TENM2: variants seen among roughly 807,000 people sequenced by gnomAD.
The protein encoded by TENM2 is teneurin-2.
A neutral mutation model predicts 245.2 loss-of-function variants in TENM2; 52 were observed. The ratio of observed to expected loss-of-function variants is 0.21; its 90% CI spans 0.17 to 0.27. TENM2 has a LOEUF of 0.27. Among genes scored for constraint, TENM2 ranks in the 10% least tolerant of loss-of-function variants. TENM2 has a pLI of 1.00. For missense variants in TENM2, 3,046 were observed against 3,666.8 expected (o/e 0.83, Z 4.37); for synonymous variants, 1,363 against 1,438.9 (o/e 0.95, Z 1.19).
intron 21 of TENM2, among the ~76,000 whole-genome samples, chr5:168,215,871 G>T (rs1004658533): frequency 1.2e-4 from 18 of 152,188 alleles, no homozygotes; most frequent in African/African-American, 4.1e-4. Flanking sequence ...GGGGCCTCTG[G>T]CCACGCCCAG....
intron 2 of TENM2, among the ~76,000 whole-genome samples, chr5:167,394,379 C>A (rs544183187): frequency 2.3e-4 from 35 of 152,132 alleles, no homozygotes; most frequent in African/African-American, 8.0e-4. Flanking sequence ...AGGAGACTAT[C>A]CTTTCTTCTT....
the TENM2 span, among the ~76,000 whole-genome samples, chr5:167,084,759 G>T: frequency 6.6e-6 from 1 of 152,010 alleles, no homozygotes; most frequent in African/African-American, 2.4e-5. Flanking sequence ...ATCTAAATTT[G>T]TTTAGTCCAT....
intron 2 of TENM2, among the ~76,000 whole-genome samples, chr5:167,713,720 A>G (rs1188771132): frequency 1.3e-5 from 2 of 152,204 alleles, no homozygotes; most frequent in Non-Finnish European, 2.9e-5. Flanking sequence ...ACGTACATGC[A>G]TATGCATATT....
intron 3 of TENM2, among the ~76,000 whole-genome samples, chr5:167,881,523 C>G (rs1773875932): frequency 6.6e-6 from 1 of 152,188 alleles, no homozygotes; most frequent in South Asian, 2.1e-4. Flanking sequence ...TTATTTTTCA[C>G]TCTTGATTTT....
intron 5 of TENM2, among the ~76,000 whole-genome samples, chr5:168,035,342 C>G (rs1260070012): frequency 6.6e-6 from 1 of 152,022 alleles, no homozygotes; most frequent in Non-Finnish European, 1.5e-5. Context: ...ACTACAAATA[C>G]AAAAATTGGC....
chr5:167,514,010 G>A (rs962201158), intron 2 of TENM2, among the ~76,000 whole-genome samples: 2 of 152,156 alleles, frequency 1.3e-5, no homozygotes, highest in African/African-American at 4.8e-5. Flanking sequence ...TGCCCAGATT[G>A]CCAGTGAGTT....
At chr5:168,239,404 A>C (rs752220178) in intron 25 of TENM2, among the ~76,000 whole-genome samples, 78 of 152,106 alleles carry the variant, frequency 5.1e-4, no homozygotes, top group Non-Finnish European at 8.1e-4. Flanking sequence ...GCAAGTAAAA[A>C]CCCACCCTAA....
intron 2 of TENM2, among the ~76,000 whole-genome samples, chr5:167,627,021 T>A (rs1351616315): frequency 6.6e-6 from 1 of 152,182 alleles, no homozygotes; most frequent in Non-Finnish European, 1.5e-5. Context: ...AACAATGACA[T>A]GAGGGCTTGG....
intron 2 of TENM2, among the ~76,000 whole-genome samples, chr5:167,749,707 C>T (rs1761834335): frequency 6.6e-6 from 1 of 151,780 alleles, no homozygotes; most frequent in Non-Finnish European, 1.5e-5. Flanking sequence ...ACATTCAAGA[C>T]TGATTCCTGG....
At chr5:167,276,350 TTTTGTGTGTGTGTGTGTGTGTG>T in the TENM2 span, among the ~76,000 whole-genome samples, 6 of 143,626 alleles carry the variant, frequency 4.2e-5, no homozygotes, top group Non-Finnish European at 7.6e-5. Flanking sequence ...AGCCTGTTCA[TTTTGTGTGTGTGTGTGTGTGTG>T]TGTGTGTGTG....
rs866526027 is a variant in TENM2, at chr5:167,339,197, T to C, written c.227-36001T>C. On this transcript the variant is annotated intron_variant, in intron 1 of 28. Coordinates refer to ENST00000518659, the Ensembl canonical transcript of TENM2. Reference sequence around the variant, plus strand: ...TAAATCAGATATGAATGAGACTCAATGCATCTTAGAAAAATTCTCTCCTGC... The same window carrying C: ...TAAATCAGATATGAATGAGACTCAACGCATCTTAGAAAAATTCTCTCCTGC... Among the ~76,000 whole-genome samples, 12 of 152,300 alleles carry C rather than the reference T, an allele frequency of 7.9e-5. No homozygotes were observed. The South Asian group carries it at 2.1e-3, about 26-fold the overall frequency.
chr5:167,040,866 C>A, the TENM2 span, among the ~76,000 whole-genome samples: 1 of 152,108 alleles, frequency 6.6e-6, no homozygotes, highest in Non-Finnish European at 1.5e-5. Context: ...GAACTATACT[C>A]CTGCAGTTTT....
intron 2 of TENM2, among the ~76,000 whole-genome samples, chr5:167,577,609 A>C (rs986837490): frequency 9.2e-5 from 14 of 151,984 alleles, no homozygotes; most frequent in Admixed American, 7.9e-4. Flanking sequence ...TACTTGACCC[A>C]TAGTGGTTTT....
chr5:167,883,138 A>G (rs1774010576), intron 3 of TENM2, among the ~76,000 whole-genome samples: 1 of 152,160 alleles, frequency 6.6e-6, no homozygotes, highest in South Asian at 2.1e-4. Context: ...ACTTGGCTGA[A>G]AATGTTGATG....
At chr5:167,580,903 T>A (rs961426836) in intron 2 of TENM2, among the ~76,000 whole-genome samples, 22 of 152,190 alleles carry the variant, frequency 1.4e-4, no homozygotes, top group African/African-American at 5.3e-4. Context: ...GCACCAGAAT[T>A]GCTTGAACCC....
chr5:167,888,182 C>T (rs1417677093), intron 3 of TENM2, among the ~76,000 whole-genome samples: 3 of 152,198 alleles, frequency 2.0e-5, no homozygotes, highest in Non-Finnish European at 4.4e-5. Context: ...ATTCAGCCCA[C>T]AACAGAATCC....
At chr5:168,201,395 A>G (rs1384186512) in intron 17 of TENM2, among the ~76,000 whole-genome samples, 1 of 152,038 alleles carries the variant, frequency 6.6e-6, no homozygotes, top group Non-Finnish European at 1.5e-5. Context: ...GACAGCCAAT[A>G]TTAAAAAGTA....
At chr5:167,397,813 A>G (rs946126194) in intron 2 of TENM2, among the ~76,000 whole-genome samples, 14 of 152,176 alleles carry the variant, frequency 9.2e-5, no homozygotes, top group Non-Finnish European at 1.8e-4. Context: ...ATCAAGAAAA[A>G]GTCTCTAAAA....
At chr5:168,233,387 C>T (rs890829032) in intron 25 of TENM2, among the ~76,000 whole-genome samples, 3 of 152,100 alleles carry the variant, frequency 2.0e-5, no homozygotes, top group Admixed American at 6.5e-5. Context: ...GGGACCAGGT[C>T]GCCCCTGTAT....
Sources: gnomAD v4.1 joint callset for allele counts (sites outside exome capture counted in the v4.1 genomes callset) on GRCh38, gnomAD v4.1.1 for gene constraint, MANE v1.5 for transcripts, NCBI Gene and HGNC (gene_info 2026-07-23, HGNC 2026-07-21) for gene names.